The following TMEM132D variants were observed in gnomAD, a reference collection of about 807,000 sequenced individuals.
The protein encoded by TMEM132D is mature OL transmembrane protein.
TMEM132D carries 21 observed loss-of-function variants against 62.3 expected under a neutral mutation model. The ratio of observed to expected loss-of-function variants is 0.34; its 90% CI spans 0.24 to 0.49. TMEM132D has a LOEUF of 0.49. TMEM132D is among the 20% of genes least tolerant of loss of function. TMEM132D has a pLI of 0.99. For missense variants in TMEM132D, 1,346 were observed against 1,402.8 expected, an observed-to-expected ratio of 0.96 and a Z score of 0.65; for synonymous variants, 621 against 575.6, an observed-to-expected ratio of 1.08 and a Z score of -1.13.
At chr12:129,803,713 G>C (rs567083995) in intron 1 of TMEM132D, among the ~76,000 whole-genome samples, 1 of 151,764 alleles carries the variant, frequency 6.6e-6, no homozygotes, top group African/African-American at 2.4e-5. Context: ...AGGAAAGAGA[G>C]ACACAAAAAA....
At chr12:129,830,624 A>C (rs891757447) in intron 1 of TMEM132D, among the ~76,000 whole-genome samples, 6 of 151,948 alleles carry the variant, frequency 3.9e-5, no homozygotes, top group Admixed American at 6.6e-5. Flanking sequence ...AAATGTATAA[A>C]ACCAAGCTGG....
intron 3 of TMEM132D, among the ~76,000 whole-genome samples, chr12:129,492,464 A>G (rs1302652201): frequency 6.6e-6 from 1 of 152,220 alleles, no homozygotes; most frequent in East Asian, 1.9e-4. Flanking sequence ...CATTAAATAC[A>G]CTAATAGCAT....
intron 1 of TMEM132D, among the ~76,000 whole-genome samples, chr12:129,753,341 G>T (rs1293323413): frequency 6.6e-6 from 1 of 152,200 alleles, no homozygotes; most frequent in Non-Finnish European, 1.5e-5. Context: ...ATGTGGAGAG[G>T]CTTTAAAGCC....
chr12:129,469,105 C>A (rs1400425672), intron 3 of TMEM132D, among the ~76,000 whole-genome samples: 1 of 152,146 alleles, frequency 6.6e-6, no homozygotes, highest in Non-Finnish European at 1.5e-5. Flanking sequence ...AAACCAAGGA[C>A]CTTCAGATCT....
chr12:129,656,105 C>T (rs1195367286), intron 2 of TMEM132D, among the ~76,000 whole-genome samples: 3 of 152,126 alleles, frequency 2.0e-5, no homozygotes, highest in African/African-American at 7.2e-5. Context: ...CTTAGAAAGG[C>T]CATAAATTCC....
intron 2 of TMEM132D, among the ~76,000 whole-genome samples, chr12:129,582,040 G>A (rs1877879038): frequency 1.3e-5 from 2 of 152,156 alleles, no homozygotes; most frequent in African/African-American, 4.8e-5. Flanking sequence ...AGACGGGAGG[G>A]TCAGTATCAG....
At chr12:129,100,420 G>A (rs544700490) in intron 5 of TMEM132D, among the ~76,000 whole-genome samples, 68 of 152,284 alleles carry the variant, frequency 4.5e-4, no homozygotes, top group East Asian at 1.7e-3. Flanking sequence ...AGAGGCTGAC[G>A]GGTTGGCTCC....
chr12:129,218,837 G>T (rs1879277593), intron 4 of TMEM132D, among the ~76,000 whole-genome samples: 1 of 152,208 alleles, frequency 6.6e-6, no homozygotes, highest in African/African-American at 2.4e-5. Context: ...GGAGGCGGGA[G>T]TGAGGCGTAA....
At chr12:129,413,949 A>C (rs1197266860) in intron 3 of TMEM132D, among the ~76,000 whole-genome samples, 2 of 152,252 alleles carry the variant, frequency 1.3e-5, no homozygotes, top group Non-Finnish European at 2.9e-5. Context: ...AATGAAATTA[A>C]AATATTTGAC....
At position 129,689,717 on chromosome 12, in the gene TMEM132D, A is replaced by T. The variant is rs190600201; in HGVS notation, c.968+10093T>A. Among the ~76,000 whole-genome samples the T allele has an allele frequency of 3.2e-3, 493 of 152,340 alleles. 3 individuals are homozygous for T. The Middle Eastern group carries it at 0.061, about 19-fold the overall frequency. On this transcript the variant is annotated intron_variant, in intron 2 of 8. Coordinates refer to ENST00000422113, the MANE Select transcript of TMEM132D (RefSeq NM_133448.3). ...TGAGCCATACCAATACCCTTATAAT[A>T]AATTCTCATTTTTCTTAAAACTGAT...
intron 5 of TMEM132D, among the ~76,000 whole-genome samples, chr12:129,198,991 G>T (rs1878618124): frequency 6.6e-6 from 1 of 151,882 alleles, no homozygotes; most frequent in African/African-American, 2.4e-5. Context: ...CTATTTCATG[G>T]GGTTGCTGTG....
chr12:129,415,301 G>C (rs190771083), intron 3 of TMEM132D, among the ~76,000 whole-genome samples: 3 of 152,102 alleles, frequency 2.0e-5, no homozygotes, highest in African/African-American at 7.2e-5. Context: ...AGTGTACAAG[G>C]CTTCCCTTTC....
intron 1 of TMEM132D, among the ~76,000 whole-genome samples, chr12:129,780,137 C>T (rs1871074942): frequency 6.6e-6 from 1 of 152,096 alleles, no homozygotes; most frequent in Admixed American, 6.5e-5. Context: ...GTGTCTCGCC[C>T]AAACCATCCA....
Position 129,371,869 on chromosome 12 carries a change from G to T in TMEM132D, c.1116-34052C>A, listed in dbSNP as rs1227750661. Among the ~76,000 whole-genome samples the T allele has an allele frequency of 6.6e-6, 1 of 152,128 alleles. No individual in the cohort carries two copies. The highest frequency in any genetic ancestry group is 1.5e-5 in the Non-Finnish European group (1 of 68,028). ...CTGTGTCACATCCATGAGTTGTGAG[G>T]CATGTTCTGGGGAATAAGATATATG... On this transcript the variant is annotated intron_variant, in intron 3 of 8. Transcript: ENST00000422113. The surrounding 1 kb of genome is among the most constrained non-coding windows in gnomAD (Gnocchi z 4.3).
chr12:129,486,670 T>A (rs532273564), intron 3 of TMEM132D, among the ~76,000 whole-genome samples: 1 of 152,214 alleles, frequency 6.6e-6, no homozygotes, highest in Non-Finnish European at 1.5e-5. Flanking sequence ...GATGTCCATG[T>A]GGACACGACC....
At chr12:129,715,799 G>A (rs1206183059) in intron 1 of TMEM132D, among the ~76,000 whole-genome samples, 2 of 152,246 alleles carry the variant, frequency 1.3e-5, no homozygotes, top group African/African-American at 4.8e-5. Flanking sequence ...TTAGCAAAGA[G>A]GAAGAGGAGA....
intron 4 of TMEM132D, among the ~76,000 whole-genome samples, chr12:129,215,825 C>G (rs186475747): frequency 2.6e-4 from 40 of 152,230 alleles, no homozygotes; most frequent in Admixed American, 2.4e-3. Flanking sequence ...GAGGGAAGAA[C>G]AAAGGCATGT....
intron 3 of TMEM132D, among the ~76,000 whole-genome samples, chr12:129,515,461 A>G (rs919655338): frequency 6.6e-6 from 1 of 152,162 alleles, no homozygotes; most frequent in Non-Finnish European, 1.5e-5. Flanking sequence ...TCTTAGAGTG[A>G]CTTCTATTAC....
At chr12:129,809,030 G>A (rs796703462) in intron 1 of TMEM132D, among the ~76,000 whole-genome samples, 7 of 152,284 alleles carry the variant, frequency 4.6e-5, no homozygotes, top group African/African-American at 1.2e-4. Context: ...GAATGTGGCC[G>A]GGCGCAGTGG....
Sources: gnomAD v4.1 joint callset for allele counts (sites outside exome capture counted in the v4.1 genomes callset) on GRCh38, gnomAD v4.1.1 for gene constraint, Gnocchi (gnomAD v3.1) non-coding constraint, MANE v1.5 for transcripts, NCBI Gene and HGNC (gene_info 2026-07-23, HGNC 2026-07-21) for gene names.